Variants in CCL17 observed in about 807,000 individuals in gnomAD.
The protein encoded by CCL17 is C-C motif chemokine 17.
CCL17 carries 8 observed loss-of-function variants against 7.4 expected under a neutral mutation model. The observed-to-expected ratio is 1.09, with a 90% CI of 0.64 to 1.96. The LOEUF is 1.96. Among genes scored for constraint, CCL17 ranks in the 30% most tolerant of loss-of-function variants. The pLI, the probability that CCL17 is intolerant of heterozygous loss-of-function variation, is 0.00. For synonymous variants in CCL17, 40 were observed against 46.1 expected (o/e 0.87, Z 0.54); for missense variants, 102 against 113.0 (o/e 0.90, Z 0.44).
At chr16:57,412,916 A>G (rs545994721) in intron 1 of CCL17, among the ~76,000 whole-genome samples, 1 of 152,178 alleles carries the variant, frequency 6.6e-6, no homozygotes, top group African/African-American at 2.4e-5. Flanking sequence ...CAGTTCACCA[A>G]CTTTATCAAC....
chr16:57,414,680 A>G (rs1902839604), intron 2 of CCL17, among the ~76,000 whole-genome samples: 2 of 152,088 alleles, frequency 1.3e-5, no homozygotes, highest in African/African-American at 2.4e-5. Flanking sequence ...TACAGGCATG[A>G]GCCACGGCGC....
upstream of CCL17, among the ~76,000 whole-genome samples, chr16:57,401,854 CGTCACCTGAG>C (rs1395679615): frequency 1.8e-4 from 27 of 152,190 alleles, no homozygotes; most frequent in African/African-American, 5.6e-4. Flanking sequence ...CCCCCGGGGA[CGTCACCTGAG>C]GTCACACCCT....
chr16:57,403,138 T>A (rs1341333635), upstream of CCL17, among the ~76,000 whole-genome samples: 3 of 96,362 alleles, frequency 3.1e-5, no homozygotes, highest in African/African-American at 1.2e-4. Context: ...TAATATATAT[T>A]ATTATCTATA....
intron 1 of CCL17, among the ~76,000 whole-genome samples, chr16:57,405,094 CA>C (rs1902675084): frequency 6.6e-6 from 1 of 152,122 alleles, no homozygotes; most frequent in African/African-American, 2.4e-5. Context: ...ATGGAAGGTA[CA>C]GCTTCAAGAT....
At chr16:57,408,942 T>C (rs2003473) in intron 1 of CCL17, among the ~76,000 whole-genome samples, 1 of 152,080 alleles carries the variant, frequency 6.6e-6, no homozygotes, top group African/African-American at 2.4e-5. Flanking sequence ...ACTCCTGGGC[T>C]CAAGTGATCC....
At chr16:57,412,110 C>T (rs1355176726) in intron 1 of CCL17, among the ~76,000 whole-genome samples, 2 of 152,186 alleles carry the variant, frequency 1.3e-5, no homozygotes, top group African/African-American at 4.8e-5. Flanking sequence ...AGGGGGACCC[C>T]ATCTTCCTGA....
upstream of CCL17, among the ~76,000 whole-genome samples, chr16:57,402,674 A>T (rs929125840): frequency 1.3e-5 from 2 of 152,146 alleles, no homozygotes; most frequent in Non-Finnish European, 2.9e-5. Context: ...AAAGGCACTC[A>T]TTTACAAGGC....
At chr16:57,409,229 AATAAG>A (rs1318990596) in intron 1 of CCL17, among the ~76,000 whole-genome samples, 1 of 152,194 alleles carries the variant, frequency 6.6e-6, no homozygotes, top group African/African-American at 2.4e-5. Flanking sequence ...TGCACTCTAA[AATAAG>A]AGTAGGAGTG....
chr16:57,402,810 A>T (rs1264637744), upstream of CCL17, among the ~76,000 whole-genome samples: 1 of 152,008 alleles, frequency 6.6e-6, no homozygotes, highest in Admixed American at 6.6e-5. Flanking sequence ...CCAGCCATTT[A>T]TCCATTCACT....
intron 1 of CCL17, among the ~76,000 whole-genome samples, chr16:57,409,796 CAG>C (rs1323666005): frequency 7.2e-5 from 11 of 152,262 alleles, no homozygotes; most frequent in Middle Eastern, 3.4e-3. Flanking sequence ...GTCTTTGGGA[CAG>C]GGGATTGGGG....
At chr16:57,414,357 G>A (rs1309007459) in intron 2 of CCL17, among the ~76,000 whole-genome samples, 2 of 151,186 alleles carry the variant, frequency 1.3e-5, no homozygotes, top group Non-Finnish European at 2.9e-5. Flanking sequence ...GCACAATGAG[G>A]GAATCAGCAT....
chr16:57,403,498 TATAA>T (rs1902638747), upstream of CCL17, among the ~76,000 whole-genome samples: 5 of 24,782 alleles, frequency 2.0e-4, 2 homozygotes, highest in African/African-American at 1.3e-3. Context: ...ATATATATAT[TATAA>T]TATATATATT....
intron 1 of CCL17, among the ~76,000 whole-genome samples, chr16:57,405,595 T>G (rs1902682416): frequency 6.6e-6 from 1 of 151,876 alleles, no homozygotes; most frequent in African/African-American, 2.4e-5. Flanking sequence ...CACAGGTTAG[T>G]GTGGGGGACA....
upstream of CCL17, among the ~76,000 whole-genome samples, chr16:57,403,176 AAT>A (rs367735648): frequency 0.011 from 626 of 55,936 alleles, 13 homozygotes; most frequent in South Asian, 0.019. Context: ...TATTATCTAT[AAT>A]ATATATAATA....
chr16:57,403,481 T>TA (rs1902636599), upstream of CCL17, among the ~76,000 whole-genome samples: 1 of 2,074 alleles, frequency 4.8e-4, no homozygotes, highest in Non-Finnish European at 1.6e-3. Flanking sequence ...ATATATATTA[T>TA]ATAATAATAT....
intron 2 of CCL17, among the ~76,000 whole-genome samples, chr16:57,414,749 G>T (rs1282235085): frequency 1.3e-5 from 2 of 152,046 alleles, no homozygotes; most frequent in East Asian, 1.9e-4. Context: ...AAATAAGGTT[G>T]CCAGGTATAG....
intron 1 of CCL17, among the ~76,000 whole-genome samples, chr16:57,406,115 G>T (rs1305274165): frequency 6.6e-6 from 1 of 152,004 alleles, no homozygotes; most frequent in Non-Finnish European, 1.5e-5. Context: ...AGGGAAGGTT[G>T]CTTGAGGCAA....
chr16:57,415,278 A>G lies in CCL17; in HGVS notation c.188+80A>G, dbSNP rs1902851976. 10 of 935,182 alleles carry G rather than the reference A, an allele frequency of 1.1e-5. No individual in the cohort carries two copies. The highest frequency in any genetic ancestry group is 4.2e-4 in the Middle Eastern group (2 of 4,762). The allele number at this position is 935,182 out of a possible 1,614,324, so 57.9% of individuals were successfully genotyped here. ...CACCCTGGAGCTCCCAGGACGGCCAATGGGGAGCAGGGAAGAGACAGCGGG... is the reference window on the plus strand; with the variant it reads ...CACCCTGGAGCTCCCAGGACGGCCAGTGGGGAGCAGGGAAGAGACAGCGGG... On this transcript the variant is annotated intron_variant, in intron 3 of 3. Transcript: ENST00000219244. This position sits in a 1 kb window ranked among gnomAD's most constrained non-coding sequence, Gnocchi z 4.5.
chr16:57,415,068 C>T lies in CCL17; in HGVS notation c.71-13C>T, dbSNP rs1381937503. 4.4e-6 allele frequency: 7 copies of T among 1,582,314 alleles called. No individual in the cohort carries two copies. The highest frequency in any genetic ancestry group is 1.1e-5 in the South Asian group (1 of 90,486). On this transcript the variant is annotated splice_polypyrimidine_tract_variant and intron_variant, in intron 2 of 3. Coordinates refer to ENST00000219244, the MANE Select transcript of CCL17 (RefSeq NM_002987.3). This position sits in a 1 kb window ranked among gnomAD's most constrained non-coding sequence, Gnocchi z 4.5. ...CACTCACAGACACCCCTGCCCCGCT[C>T]CTCTCCCTGCAGCTCGAGGGACCAA...
Sources: allele counts gnomAD v4.1 joint callset (sites outside exome capture counted in the v4.1 genomes callset), GRCh38; gene constraint gnomAD v4.1.1; non-coding constraint Gnocchi (gnomAD v3.1); transcripts MANE v1.5; gene names NCBI Gene and HGNC (gene_info 2026-07-23, HGNC 2026-07-21).